MSRA: variants seen among roughly 807,000 people sequenced by gnomAD.
The protein encoded by MSRA is methionine sulfoxide reductase A.
Under a neutral mutation model 31.3 loss-of-function variants are expected in MSRA, and 54 were observed. The observed-to-expected ratio is 1.73, with a 90% CI of 1.39 to 2.17. The LOEUF is 2.17. Ranked by LOEUF, MSRA falls within the 30% of genes most tolerant of loss-of-function variation. MSRA has a pLI of 0.00. For missense variants in MSRA, 507 were observed against 300.9 expected, an observed-to-expected ratio of 1.69 and a Z score of -5.07; for synonymous variants, 169 against 116.5, an observed-to-expected ratio of 1.45 and a Z score of -2.90.
chr8:10,263,663 G>A (rs559004788), intron 3 of MSRA, among the ~76,000 whole-genome samples: 4 of 152,094 alleles, frequency 2.6e-5, no homozygotes, highest in Non-Finnish European at 4.4e-5. Context: ...TTGAGGCTTC[G>A]TGCTGGACTC....
intron 1 of MSRA, among the ~76,000 whole-genome samples, chr8:10,148,367 G>T (rs1803345541): frequency 6.6e-6 from 1 of 151,458 alleles, no homozygotes; most frequent in South Asian, 2.1e-4. Flanking sequence ...AGGAATTTAG[G>T]CCAGGCACGG....
At chr8:10,165,546 C>T (rs1055363749) in intron 1 of MSRA, among the ~76,000 whole-genome samples, 1 of 152,130 alleles carries the variant, frequency 6.6e-6, no homozygotes, top group African/African-American at 2.4e-5. Flanking sequence ...GACAGCAGCA[C>T]GTTGGTACCT....
At chr8:10,175,795 C>T (rs576468049) in intron 1 of MSRA, among the ~76,000 whole-genome samples, 3 of 152,304 alleles carry the variant, frequency 2.0e-5, no homozygotes, top group Admixed American at 2.0e-4. Flanking sequence ...GCCAAGGGGG[C>T]ATTTTACTTT....
At chr8:10,111,266 G>A (rs1489882527) in intron 1 of MSRA, among the ~76,000 whole-genome samples, 28 of 152,078 alleles carry the variant, frequency 1.8e-4, no homozygotes, top group Admixed American at 1.7e-3. Context: ...TGACAAGTTC[G>A]GGTCTCCAGA....
At chr8:10,301,783 G>C in intron 4 of MSRA, 145 bp downstream of exon 4, 2 of 710,104 alleles carry the variant, frequency 2.8e-6, no homozygotes, top group Non-Finnish European at 2.3e-6. Flanking sequence ...CGGAGGAGAG[G>C]AGGGGCTGGG....
chr8:10,386,750 G>A (rs567271577), intron 5 of MSRA, among the ~76,000 whole-genome samples: 3 of 151,972 alleles, frequency 2.0e-5, no homozygotes, highest in Non-Finnish European at 2.9e-5. Context: ...CAGGTGATGG[G>A]TTCTACTTCT....
chr8:10,336,250 G>GA (rs200488038), intron 5 of MSRA, among the ~76,000 whole-genome samples: 2 of 152,080 alleles, frequency 1.3e-5, no homozygotes, highest in East Asian at 3.9e-4. Context: ...GATTTAGTAA[G>GA]AAAGAAAAAT....
intron 2 of MSRA, among the ~76,000 whole-genome samples, chr8:10,238,607 G>A (rs954731867): frequency 3.3e-5 from 5 of 152,106 alleles, no homozygotes; most frequent in African/African-American, 4.8e-5. Flanking sequence ...GCCCAGAAAC[G>A]GGACTACTTA....
At chr8:10,424,736 C>A (rs975609341) in intron 5 of MSRA, among the ~76,000 whole-genome samples, 1 of 152,160 alleles carries the variant, frequency 6.6e-6, no homozygotes, top group Non-Finnish European at 1.5e-5. Flanking sequence ...GGGAGAGGCC[C>A]CCTCCTGGGT....
chr8:10,126,864 T>A (rs973955496), intron 1 of MSRA, among the ~76,000 whole-genome samples: 8 of 152,184 alleles, frequency 5.3e-5, no homozygotes, highest in Admixed American at 4.6e-4. Context: ...CACATGCAGT[T>A]CACAATAGGG....
intron 3 of MSRA, among the ~76,000 whole-genome samples, chr8:10,267,423 C>CT (rs1798803879): frequency 6.6e-6 from 1 of 151,828 alleles, no homozygotes; most frequent in East Asian, 1.9e-4. Flanking sequence ...GGATATGTGG[C>CT]TTTTTTTCTT....
At chr8:10,339,427 C>T (rs1803266252) in intron 5 of MSRA, among the ~76,000 whole-genome samples, 3 of 151,636 alleles carry the variant, frequency 2.0e-5, no homozygotes, top group East Asian at 1.9e-4. Flanking sequence ...TAGATGTCAA[C>T]ATGTACAGCA....
chr8:10,221,902 C>T (rs376032584), intron 2 of MSRA, among the ~76,000 whole-genome samples: 11 of 152,042 alleles, frequency 7.2e-5, no homozygotes, highest in Admixed American at 5.9e-4. Context: ...GCAGGAGTGG[C>T]GGAGGCCTGT....
intron 2 of MSRA, among the ~76,000 whole-genome samples, chr8:10,237,673 G>C (rs894551366): frequency 1.3e-5 from 2 of 152,114 alleles, no homozygotes; most frequent in East Asian, 1.9e-4. Context: ...TTTCCTACAC[G>C]TCTGCTCCAT....
At chr8:10,242,122 T>G (rs771849740) in intron 2 of MSRA, among the ~76,000 whole-genome samples, 5 of 152,036 alleles carry the variant, frequency 3.3e-5, no homozygotes, top group Admixed American at 6.6e-5. Flanking sequence ...AAACACAGAA[T>G]TAGCCGGGCA....
intron 5 of MSRA, among the ~76,000 whole-genome samples, chr8:10,351,888 G>A (rs1804173797): frequency 6.6e-6 from 1 of 152,208 alleles, no homozygotes; most frequent in African/African-American, 2.4e-5. Flanking sequence ...AAGGCTATGA[G>A]GTGCTTCTCT....
intron 5 of MSRA, among the ~76,000 whole-genome samples, chr8:10,334,717 G>A (rs567193778): frequency 6.6e-6 from 1 of 152,212 alleles, no homozygotes; most frequent in African/African-American, 2.4e-5. Context: ...GGAGATGAAA[G>A]GCCATTTGTG....
At chr8:10,225,997 T>A (rs1180703208) in intron 2 of MSRA, among the ~76,000 whole-genome samples, 3 of 152,174 alleles carry the variant, frequency 2.0e-5, no homozygotes, top group Non-Finnish European at 4.4e-5. Flanking sequence ...TTCCTCAGAT[T>A]CACTGCACAG....
chr8:10,146,644 C>T (rs894177561), intron 1 of MSRA, among the ~76,000 whole-genome samples: 6 of 151,964 alleles, frequency 3.9e-5, no homozygotes, highest in South Asian at 4.1e-4. Context: ...TAAAAGCCAT[C>T]GGATTGTATA....
Sources: gnomAD v4.1 joint callset for allele counts (sites outside exome capture counted in the v4.1 genomes callset) on GRCh38, gnomAD v4.1.1 for gene constraint, MANE v1.5 for transcripts, NCBI Gene and HGNC (gene_info 2026-07-23, HGNC 2026-07-21) for gene names.